DIPK1A: variants seen among roughly 807,000 people sequenced by gnomAD.
DIPK1A encodes the protein family with sequence similarity 69 member A.
Under a neutral mutation model 40.8 loss-of-function variants are expected in DIPK1A, and 27 were observed. The observed-to-expected ratio is 0.66, with a 90% CI of 0.49 to 0.91. The LOEUF (loss-of-function observed/expected upper bound fraction) is 0.91. Ranked by LOEUF, DIPK1A falls within the 40% of genes least tolerant of loss-of-function variation. DIPK1A has a pLI of 0.00. For synonymous variants in DIPK1A, 166 were observed against 171.3 expected, an observed-to-expected ratio of 0.97 and a Z score of 0.24; for missense variants, 412 against 505.7, an observed-to-expected ratio of 0.81 and a Z score of 1.78.
At chr1:92,848,430 G>A (rs1271748519) in intron 3 of DIPK1A, among the ~76,000 whole-genome samples, 1 of 152,152 alleles carries the variant, frequency 6.6e-6, no homozygotes. Context: ...TTCTGTGACA[G>A]GTTGAAGCTT....
intron 3 of DIPK1A, 21 bp downstream of exon 3, chr1:92,850,827 G>A (rs1459094898): frequency 7.1e-7 from 1 of 1,405,656 alleles, no homozygotes; most frequent in Non-Finnish European, 9.8e-7. Context: ...ATTCTGGAAT[G>A]TTTATTCATA....
At chr1:92,955,417 G>C (rs1159764198) in intron 1 of DIPK1A, among the ~76,000 whole-genome samples, 1 of 152,162 alleles carries the variant, frequency 6.6e-6, no homozygotes, top group Non-Finnish European at 1.5e-5. Flanking sequence ...TAGGGGAGGG[G>C]GCTGGGCACG....
intron 2 of DIPK1A, among the ~76,000 whole-genome samples, chr1:92,863,582 A>AC (rs1261111927): frequency 2.0e-5 from 3 of 151,284 alleles, no homozygotes; most frequent in African/African-American, 4.9e-5. Flanking sequence ...AAAAAAAAAA[A>AC]AAAAAAACCC....
chr1:92,910,858 T>C (rs962335248), intron 1 of DIPK1A, among the ~76,000 whole-genome samples: 1 of 152,140 alleles, frequency 6.6e-6, no homozygotes, highest in East Asian at 1.9e-4. Context: ...TTTATTTTTA[T>C]ACAATTTTAT....
intron 1 of DIPK1A, among the ~76,000 whole-genome samples, chr1:92,897,661 A>C (rs1167943632): frequency 1.3e-5 from 2 of 152,208 alleles, no homozygotes; most frequent in Non-Finnish European, 2.9e-5. Flanking sequence ...TATAATAAAA[A>C]AAAAATTTCC....
intron 1 of DIPK1A, chr1:92,931,543 C>T (rs1448787426): frequency 7.2e-6 from 1 of 138,908 alleles, no homozygotes. Context: ...ATCTGGCCAA[C>T]ATAGCGAGAT....
intron 1 of DIPK1A, among the ~76,000 whole-genome samples, chr1:92,888,222 C>A (rs1021993620): frequency 6.6e-6 from 1 of 152,014 alleles, no homozygotes; most frequent in Non-Finnish European, 1.5e-5. Flanking sequence ...AGTAACCGCT[C>A]TTCTACTCTC....
At chr1:92,868,624 T>C (rs1397898981) in intron 2 of DIPK1A, among the ~76,000 whole-genome samples, 1 of 152,148 alleles carries the variant, frequency 6.6e-6, no homozygotes. Flanking sequence ...CAGTACCTTA[T>C]TTATTTACTT....
intron 1 of DIPK1A, among the ~76,000 whole-genome samples, chr1:92,946,156 G>A (rs1651353878): frequency 6.6e-6 from 1 of 152,150 alleles, no homozygotes; most frequent in African/African-American, 2.4e-5. Flanking sequence ...TTAATTCTAC[G>A]TGCTTCCTAT....
Position 92,844,060 on chromosome 1 carries a change from G to A in DIPK1A, c.610C>T (p.Leu204Phe). 6.4e-7 allele frequency: 1 copy of A among 1,551,988 alleles called. No individual in the cohort carries two copies. The highest frequency in any genetic ancestry group is 8.7e-7 in the Non-Finnish European group (1 of 1,147,026). ...TTATCTTGAAGTATCACCATGAGAA[G>A]AAATTCATTCAGTTGAAGAAGTGCC... ...AWALLQLNEF[L>F]LMVILQDKEH... The change falls in exon 5 of 5, where the codon CTT (leucine) becomes TTT (phenylalanine). Residue 204 changes from leucine (L) to phenylalanine (F), a missense_variant. By Grantham distance (22) the Leu-to-Phe change is conservative (BLOSUM62 0). Coordinates refer to ENST00000370310, the MANE Select transcript of DIPK1A (RefSeq NM_001006605.5).
At chr1:92,914,737 C>G (rs1187100735) in intron 1 of DIPK1A, among the ~76,000 whole-genome samples, 1 of 149,704 alleles carries the variant, frequency 6.7e-6, no homozygotes, top group Non-Finnish European at 1.5e-5. Context: ...CCATTGCACT[C>G]CAGCCTGGGC....
chr1:92,852,965 C>T (rs553039688), intron 2 of DIPK1A, among the ~76,000 whole-genome samples: 21 of 151,876 alleles, frequency 1.4e-4, no homozygotes, highest in African/African-American at 4.8e-4. Flanking sequence ...TCGCTTTAGC[C>T]TGGGAGGCAG....
intron 1 of DIPK1A, among the ~76,000 whole-genome samples, chr1:92,920,760 G>T (rs181761299): frequency 4.9e-4 from 74 of 152,320 alleles, no homozygotes; most frequent in African/African-American, 1.7e-3. Context: ...GTGAATCTAA[G>T]CACATAAGCT....
At chr1:92,853,074 CTT>C (rs930304753) in intron 2 of DIPK1A, among the ~76,000 whole-genome samples, 3 of 151,730 alleles carry the variant, frequency 2.0e-5, no homozygotes, top group African/African-American at 7.3e-5. Context: ...CAACAAAAAA[CTT>C]TGGAGGACAA....
At chr1:92,850,307 C>T (rs2100725327) in intron 3 of DIPK1A, among the ~76,000 whole-genome samples, 1 of 152,256 alleles carries the variant, frequency 6.6e-6, no homozygotes, top group South Asian at 2.1e-4. Flanking sequence ...ACTGAAACAG[C>T]ATCTAACATC....
chr1:92,876,567 G>C, intron 1 of DIPK1A, 137 bp from the exon 2 acceptor site: 1 of 890,686 alleles, frequency 1.1e-6, no homozygotes, highest in South Asian at 2.0e-5. Flanking sequence ...CTAGAACAAA[G>C]TGCACTTTCA....
chr1:92,940,292 C>G (rs1571143293), intron 1 of DIPK1A, among the ~76,000 whole-genome samples: 1 of 152,192 alleles, frequency 6.6e-6, no homozygotes, highest in Admixed American at 6.5e-5. Context: ...CTTTTTCTCT[C>G]TTGCCTGTTT....
intron 1 of DIPK1A, among the ~76,000 whole-genome samples, chr1:92,900,062 T>C (rs1320293894): frequency 1.4e-5 from 2 of 147,130 alleles, no homozygotes; most frequent in African/African-American, 5.0e-5. Flanking sequence ...TTCTTTGTTT[T>C]TGACTTTTGA....
chr1:92,845,409 C>A, intron 4 of DIPK1A: 1 of 255,250 alleles, frequency 3.9e-6, no homozygotes. Flanking sequence ...TTGCTCAAGC[C>A]AGTAATTCCA....
Sources: allele counts gnomAD v4.1 joint callset (sites outside exome capture counted in the v4.1 genomes callset), GRCh38; gene constraint gnomAD v4.1.1; transcripts MANE v1.5; gene names NCBI Gene and HGNC (gene_info 2026-07-23, HGNC 2026-07-21).